The following RGS6 variants were observed in gnomAD, a reference collection of about 807,000 sequenced individuals.
RGS6 encodes the protein regulator of G protein signaling 6, also known as regulator of G-protein signaling 6.
Under a neutral mutation model 78.5 loss-of-function variants are expected in RGS6, and 30 were observed. The ratio of observed to expected loss-of-function variants is 0.38; its 90% CI spans 0.29 to 0.52. The LOEUF (loss-of-function observed/expected upper bound fraction) is 0.52, where lower values mean the gene tolerates loss of function less well. Among genes scored for constraint, RGS6 ranks in the 20% least tolerant of loss-of-function variants. The pLI is 0.85. For synonymous variants in RGS6, 206 were observed against 206.0 expected, an observed-to-expected ratio of 1.00 and a Z score of 0.00; for missense variants, 495 against 609.7, an observed-to-expected ratio of 0.81 and a Z score of 1.98.
chr14:72,474,296 G>A (rs189082730), intron 9 of RGS6, among the ~76,000 whole-genome samples: 1 of 152,260 alleles, frequency 6.6e-6, no homozygotes, highest in Admixed American at 6.5e-5. Context: ...TACTCATCCT[G>A]ATATCGTGGA....
chr14:72,258,583 A>G (rs2057529933), intron 2 of RGS6, among the ~76,000 whole-genome samples: 1 of 152,200 alleles, frequency 6.6e-6, no homozygotes, highest in African/African-American at 2.4e-5. Context: ...TTGTTTTTAA[A>G]GTCGATGGAG....
At chr14:71,943,199 A>G (rs2090923632) in intron 1 of RGS6, among the ~76,000 whole-genome samples, 1 of 152,172 alleles carries the variant, frequency 6.6e-6, no homozygotes, top group Non-Finnish European at 1.5e-5. Flanking sequence ...TTTGTTCTTA[A>G]AGGAGCACAA....
intron 17 of RGS6, among the ~76,000 whole-genome samples, chr14:72,548,342 TGCGCGC>T (rs61586947): frequency 1.5e-5 from 2 of 134,830 alleles, no homozygotes; most frequent in African/African-American, 3.2e-5. Flanking sequence ...TGTGTGTGTG[TGCGCGC>T]GTGTGTGTGT....
chr14:72,172,960 A>G (rs149661), intron 2 of RGS6, among the ~76,000 whole-genome samples: 122,962 of 152,192 alleles, frequency 0.81, 49,752 homozygotes, highest in East Asian at 0.94. Flanking sequence ...TGAACCAGGG[A>G]TGAGTTTGCA....
chr14:72,084,568 G>A (rs151133174), intron 2 of RGS6, among the ~76,000 whole-genome samples: 7 of 152,252 alleles, frequency 4.6e-5, no homozygotes, highest in East Asian at 1.9e-4. Context: ...GCAATTCCCC[G>A]TAACTCAGAT....
intron 3 of RGS6, among the ~76,000 whole-genome samples, chr14:72,428,912 G>C (rs969231816): frequency 6.6e-6 from 1 of 152,210 alleles, no homozygotes; most frequent in East Asian, 1.9e-4. Context: ...CTGCAAGGCT[G>C]AGCAAGCCTG....
chr14:72,480,345 G>T (rs183890582), intron 12 of RGS6, among the ~76,000 whole-genome samples: 3 of 152,332 alleles, frequency 2.0e-5, no homozygotes, highest in Non-Finnish European at 1.5e-5. Context: ...CAAGGTGGAG[G>T]CGGGGAGCCC....
the RGS6 span, among the ~76,000 whole-genome samples, chr14:71,892,763 A>T: frequency 6.6e-6 from 1 of 152,268 alleles, no homozygotes; most frequent in South Asian, 2.1e-4. Context: ...AATTAAATGC[A>T]GTTTATTTAG....
the RGS6 span, among the ~76,000 whole-genome samples, chr14:72,585,846 C>G: frequency 6.6e-6 from 1 of 152,218 alleles, no homozygotes; most frequent in African/African-American, 2.4e-5. Context: ...ATCCTGTTCT[C>G]TCCTTCCAAT....
chr14:72,465,626 A>ATGGATGGT (rs2095887490), intron 6 of RGS6, 132 bp from the exon 7 acceptor site: 2 of 557,150 alleles, frequency 3.6e-6, no homozygotes, highest in South Asian at 2.2e-5. Context: ...GGATGGGTGG[A>ATGGATGGT]TGGATGGATG....
intron 2 of RGS6, among the ~76,000 whole-genome samples, chr14:72,189,714 A>C (rs979797366): frequency 1.3e-5 from 2 of 152,100 alleles, no homozygotes; most frequent in African/African-American, 4.8e-5. Context: ...TCATTCGCTG[A>C]CTTGGGGCTG....
downstream of RGS6, among the ~76,000 whole-genome samples, chr14:72,567,714 C>A (rs1321843338): frequency 6.6e-6 from 1 of 152,198 alleles, no homozygotes; most frequent in African/African-American, 2.4e-5. Flanking sequence ...TGTCTCTGAT[C>A]CTAGAACTTT....
At chr14:71,951,604 C>T (rs12891745) in intron 1 of RGS6, among the ~76,000 whole-genome samples, 20,141 of 152,118 alleles carry the variant, frequency 0.13, 1,548 homozygotes, top group Non-Finnish European at 0.16. Flanking sequence ...TATTTCTAAC[C>T]ATTTGCATTA....
intron 2 of RGS6, among the ~76,000 whole-genome samples, chr14:72,136,725 TA>T (rs1345120677): frequency 6.6e-6 from 1 of 152,146 alleles, no homozygotes; most frequent in Non-Finnish European, 1.5e-5. Context: ...TATCAAAACT[TA>T]ATCAAAAATA....
At chr14:71,911,323 C>T in the RGS6 span, among the ~76,000 whole-genome samples, 2 of 152,158 alleles carry the variant, frequency 1.3e-5, no homozygotes, top group African/African-American at 2.4e-5. Context: ...TTTTCTAAAC[C>T]TTATTAAATT....
intron 13 of RGS6, among the ~76,000 whole-genome samples, chr14:72,509,197 T>C (rs2153444661): frequency 6.7e-6 from 1 of 150,208 alleles, no homozygotes; most frequent in East Asian, 2.0e-4. Flanking sequence ...ACCCTGTCTC[T>C]ACTAAAAATA....
At chr14:72,294,504 G>A (rs2064293799) in intron 2 of RGS6, among the ~76,000 whole-genome samples, 1 of 152,212 alleles carries the variant, frequency 6.6e-6, no homozygotes, top group Admixed American at 6.5e-5. Context: ...GCCACTGTAT[G>A]AGTCCATTCT....
At chr14:72,540,264 C>A in intron 17 of RGS6, 170 bp downstream of exon 17, 2 of 1,532,670 alleles carry the variant, frequency 1.3e-6, no homozygotes, top group East Asian at 2.3e-5. Context: ...TGCAGCTTCT[C>A]TTCTAGGGAT....
At chr14:72,529,648 AC>A (rs200938878) in intron 15 of RGS6, among the ~76,000 whole-genome samples, 7 of 150,498 alleles carry the variant, frequency 4.7e-5, no homozygotes, top group Non-Finnish European at 7.4e-5. Flanking sequence ...GCAAGACCAG[AC>A]CCCCCCCTCC....
Sources: allele counts gnomAD v4.1 joint callset (sites outside exome capture counted in the v4.1 genomes callset), GRCh38; gene constraint gnomAD v4.1.1; transcripts MANE v1.5; gene names NCBI Gene and HGNC (gene_info 2026-07-23, HGNC 2026-07-21).